Variants in SLC25A48 observed in about 807,000 individuals in gnomAD.
SLC25A48 encodes the protein solute carrier family 25 member 48.
A neutral mutation model predicts 32.2 loss-of-function variants in SLC25A48; 29 were observed. The ratio of observed to expected loss-of-function variants is 0.90; its 90% CI spans 0.67 to 1.23. The LOEUF (loss-of-function observed/expected upper bound fraction) is 1.23. SLC25A48 is among the 50% of genes most tolerant of loss of function. The probability of loss-of-function intolerance (pLI) is 0.00; values close to 1 mark genes in which losing one functional copy is unlikely to be tolerated. For missense variants in SLC25A48, 399 were observed against 422.7 expected, an observed-to-expected ratio of 0.94 and a Z score of 0.49; for synonymous variants, 164 against 172.3, an observed-to-expected ratio of 0.95 and a Z score of 0.38.
intron 3 of SLC25A48, among the ~76,000 whole-genome samples, chr5:135,738,244 G>T (rs1434701889): frequency 6.6e-6 from 1 of 152,136 alleles, no homozygotes; most frequent in African/African-American, 2.4e-5. Flanking sequence ...GGCCCAAGAG[G>T]CTGTTGACAT....
At chr5:135,826,680 T>C (rs1758064755) in intron 4 of SLC25A48, 1 of 152,246 alleles carries the variant, frequency 6.6e-6, no homozygotes, top group Non-Finnish European at 1.5e-5. Flanking sequence ...TTGTAGACAC[T>C]GGTGTCATCT....
intron 4 of SLC25A48, among the ~76,000 whole-genome samples, chr5:135,863,173 C>A (rs1760933523): frequency 6.6e-6 from 1 of 152,146 alleles, no homozygotes; most frequent in Non-Finnish European, 1.5e-5. Context: ...TGACCAAAGA[C>A]CCCAAAGTTG....
chr5:135,878,907 C>G (rs763464835), intron 6 of SLC25A48, among the ~76,000 whole-genome samples: 4 of 152,162 alleles, frequency 2.6e-5, no homozygotes, highest in Non-Finnish European at 5.9e-5. Flanking sequence ...TTTATCTGCT[C>G]TCATCATTTT....
intron 1 of SLC25A48, among the ~76,000 whole-genome samples, chr5:135,586,097 G>A (rs1751359929): frequency 6.6e-6 from 1 of 152,188 alleles, no homozygotes; most frequent in Non-Finnish European, 1.5e-5. Flanking sequence ...CTGAGGAGAA[G>A]GTTAAGTATG....
intron 3 of SLC25A48, among the ~76,000 whole-genome samples, chr5:135,801,340 A>G (rs924102805): frequency 1.3e-5 from 2 of 151,256 alleles, no homozygotes; most frequent in African/African-American, 2.4e-5. Context: ...CAAAATATCT[A>G]GAAAAAAAAG....
intron 4 of SLC25A48, among the ~76,000 whole-genome samples, chr5:135,863,459 C>T (rs1760960772): frequency 1.3e-5 from 2 of 152,128 alleles, no homozygotes; most frequent in African/African-American, 4.8e-5. Flanking sequence ...GATGCAAACA[C>T]CAAGCGAGCT....
intron 1 of SLC25A48, among the ~76,000 whole-genome samples, chr5:135,619,426 A>G (rs1164811737): frequency 6.6e-6 from 1 of 152,060 alleles, no homozygotes; most frequent in African/African-American, 2.4e-5. Context: ...ATTATCTTGT[A>G]TCTCACTGAA....
intron 1 of SLC25A48, among the ~76,000 whole-genome samples, chr5:135,610,590 T>A (rs1752042258): frequency 6.6e-6 from 1 of 152,156 alleles, no homozygotes; most frequent in African/African-American, 2.4e-5. Context: ...AGAAAGCCAA[T>A]TGAATTATTG....
At chr5:135,883,752 G>A (rs1762626473) in intron 7 of SLC25A48, among the ~76,000 whole-genome samples, 1 of 152,152 alleles carries the variant, frequency 6.6e-6, no homozygotes. Flanking sequence ...TTTGGCCCTG[G>A]GCTTGGTTGG....
chr5:135,596,681 C>A (rs180743537), intron 1 of SLC25A48, among the ~76,000 whole-genome samples: 1 of 152,162 alleles, frequency 6.6e-6, no homozygotes. Flanking sequence ...TTTGCCACCC[C>A]CTCCATTCTT....
intron 3 of SLC25A48, among the ~76,000 whole-genome samples, chr5:135,792,178 C>A (rs1166991218): frequency 6.6e-6 from 1 of 151,764 alleles, no homozygotes; most frequent in African/African-American, 2.4e-5. Flanking sequence ...GGGTTGTACA[C>A]TATGTGTGTA....
At chr5:135,595,652 A>T (rs759846640) in intron 1 of SLC25A48, among the ~76,000 whole-genome samples, 1 of 152,202 alleles carries the variant, frequency 6.6e-6, no homozygotes, top group Admixed American at 6.5e-5. Context: ...TTGCGCATAC[A>T]TGCTAGCTCT....
chr5:135,649,501 C>G (rs988043592), intron 3 of SLC25A48: 1 of 152,430 alleles, frequency 6.6e-6, no homozygotes, highest in Non-Finnish European at 1.5e-5. Context: ...GAAGGGGTAA[C>G]AAATAGCAGA....
chr5:135,772,032 C>T (rs1372874076), intron 3 of SLC25A48, among the ~76,000 whole-genome samples: 1 of 151,298 alleles, frequency 6.6e-6, no homozygotes, highest in Non-Finnish European at 1.5e-5. Context: ...TCATAATATT[C>T]ATAATGGGAG....
At chr5:135,837,578 G>A (rs1043618136) in intron 1 of SLC25A48, among the ~76,000 whole-genome samples, 1 of 152,260 alleles carries the variant, frequency 6.6e-6, no homozygotes, top group Non-Finnish European at 1.5e-5. Context: ...ACATGTCATG[G>A]GAGGGACCCC....
At chr5:135,866,067 C>A (rs77036874) in intron 4 of SLC25A48, among the ~76,000 whole-genome samples, 3,219 of 152,260 alleles carry the variant, frequency 0.021, 47 homozygotes, top group Non-Finnish European at 0.031. Flanking sequence ...TGGAATAGAA[C>A]CCTCGTGAAA....
At chr5:135,742,551 GT>G (rs1755523686) in intron 3 of SLC25A48, 2 of 1,403,334 alleles carry the variant, frequency 1.4e-6, no homozygotes, top group Non-Finnish European at 9.9e-7. Context: ...AAGATTTTGT[GT>G]TTTATGGTTT....
chr5:135,877,580 A>G (rs1762148975), intron 6 of SLC25A48, among the ~76,000 whole-genome samples: 1 of 152,096 alleles, frequency 6.6e-6, no homozygotes, highest in Admixed American at 6.5e-5. Context: ...TCACTGATTC[A>G]ATTAATGTGT....
intron 1 of SLC25A48, chr5:135,609,646 G>A (rs917533411): frequency 6.6e-6 from 1 of 152,196 alleles, no homozygotes; most frequent in Non-Finnish European, 1.5e-5. Flanking sequence ...ATCTCTGGCA[G>A]GTGGTTTACA....
Sources: gnomAD v4.1 joint callset for allele counts (sites outside exome capture counted in the v4.1 genomes callset) on GRCh38, gnomAD v4.1.1 for gene constraint, MANE v1.5 for transcripts, NCBI Gene and HGNC (gene_info 2026-07-23, HGNC 2026-07-21) for gene names.